Variants in SCAPER observed in about 807,000 individuals in gnomAD.
The protein encoded by SCAPER is S-phase cyclin A associated protein in the ER, also known as S phase cyclin A-associated protein in the endoplasmic reticulum.
Under a neutral mutation model 182.2 loss-of-function variants are expected in SCAPER, and 98 were observed. The observed-to-expected ratio is 0.54, with a 90% CI of 0.46 to 0.64. The LOEUF is 0.64. Among genes scored for constraint, SCAPER ranks in the 30% least tolerant of loss-of-function variants. SCAPER has a pLI of 0.00. For synonymous variants in SCAPER, 605 were observed against 564.6 expected (o/e 1.07, Z -1.01); for missense variants, 1,432 against 1,690.0 (o/e 0.85, Z 2.68).
At chr15:76,564,579 C>G (rs1018278122) in intron 23 of SCAPER, among the ~76,000 whole-genome samples, 2 of 152,074 alleles carry the variant, frequency 1.3e-5, no homozygotes, top group African/African-American at 4.8e-5. Context: ...GTTAAAATGG[C>G]CACACTGCCC....
chr15:76,734,498 T>C (rs1028437158), intron 15 of SCAPER, among the ~76,000 whole-genome samples: 5 of 152,154 alleles, frequency 3.3e-5, no homozygotes, highest in African/African-American at 1.2e-4. Context: ...GCTTTCCCAA[T>C]CTCCATGCCA....
intron 7 of SCAPER, among the ~76,000 whole-genome samples, chr15:76,796,128 G>A (rs903927073): frequency 1.3e-5 from 2 of 152,144 alleles, no homozygotes; most frequent in Non-Finnish European, 2.9e-5. Flanking sequence ...ACTACTAAAA[G>A]AGGCTTTTTC....
intron 26 of SCAPER, among the ~76,000 whole-genome samples, chr15:76,407,700 C>T (rs963885887): frequency 1.3e-5 from 2 of 152,104 alleles, no homozygotes; most frequent in Non-Finnish European, 1.5e-5. Context: ...CTATTTGATT[C>T]TTTCTCCACA....
intron 24 of SCAPER, among the ~76,000 whole-genome samples, chr15:76,481,062 A>T: frequency 6.6e-6 from 1 of 152,198 alleles, no homozygotes; most frequent in East Asian, 1.9e-4. Flanking sequence ...TGATTTGATC[A>T]TGAACATTTA....
At chr15:76,585,763 C>A (rs989176063) in intron 22 of SCAPER, among the ~76,000 whole-genome samples, 8 of 151,990 alleles carry the variant, frequency 5.3e-5, no homozygotes, top group Non-Finnish European at 8.8e-5. Flanking sequence ...CACAGAAGTA[C>A]AACAAATAAA....
intron 24 of SCAPER, among the ~76,000 whole-genome samples, chr15:76,494,373 T>C (rs1251247685): frequency 6.6e-6 from 1 of 152,200 alleles, no homozygotes; most frequent in South Asian, 2.1e-4. Context: ...GTTAGGTCAG[T>C]TCCTCTTTGG....
chr15:76,478,215 T>C (rs2050815142), intron 24 of SCAPER, among the ~76,000 whole-genome samples: 2 of 147,492 alleles, frequency 1.4e-5, no homozygotes, highest in Admixed American at 7.0e-5. Context: ...CATCTTTTTG[T>C]TAATTGTTCT....
At chr15:76,523,732 A>G (rs2042988828) in intron 23 of SCAPER, among the ~76,000 whole-genome samples, 1 of 151,964 alleles carries the variant, frequency 6.6e-6, no homozygotes. Flanking sequence ...CTTTTTTTTG[A>G]AGAAAATACA....
In SCAPER at chr15:76,785,813, G is replaced by C. The variant is rs576164503; in HGVS notation, c.772+9467C>G. The stretch of plus-strand genomic sequence containing the variant: ...ACACTGCATGTTCTCACTCATAGGT[G>C]GGAACTGAACAACGCGAACACCTGG... On this transcript the variant is annotated intron_variant, in intron 8 of 31. Coordinates refer to ENST00000563290, the MANE Select transcript of SCAPER (RefSeq NM_020843.4). Among the ~76,000 whole-genome samples, 5 of 152,234 alleles carry C rather than the reference G, an allele frequency of 3.3e-5. No homozygotes were observed. The East Asian group carries it at 9.7e-4, about 29-fold the overall frequency.
At chr15:76,832,314 C>T (rs1324822550) in intron 5 of SCAPER, among the ~76,000 whole-genome samples, 2 of 152,174 alleles carry the variant, frequency 1.3e-5, no homozygotes, top group Non-Finnish European at 2.9e-5. Flanking sequence ...ATGAAAAATT[C>T]ACTACAGGAA....
At chr15:76,732,449 T>C (rs930193473) in intron 16 of SCAPER, among the ~76,000 whole-genome samples, 3 of 152,020 alleles carry the variant, frequency 2.0e-5, no homozygotes, top group Admixed American at 1.3e-4. Context: ...TGAGGGGACA[T>C]AGTGAGAAGT....
chr15:76,515,192 G>A (rs2042326121), intron 23 of SCAPER, among the ~76,000 whole-genome samples: 1 of 152,228 alleles, frequency 6.6e-6, no homozygotes, highest in South Asian at 2.1e-4. Context: ...CTAATTGGAA[G>A]TTGGACTCTT....
intron 24 of SCAPER, among the ~76,000 whole-genome samples, chr15:76,486,095 T>A (rs1198579142): frequency 7.9e-5 from 12 of 152,016 alleles, no homozygotes; most frequent in Admixed American, 7.9e-4. Context: ...TAGTTCCAGC[T>A]ACTTGTGAGG....
intron 22 of SCAPER, among the ~76,000 whole-genome samples, chr15:76,576,093 G>A (rs1295839875): frequency 1.3e-5 from 2 of 152,192 alleles, no homozygotes; most frequent in Non-Finnish European, 2.9e-5. Context: ...CAAGGATGGT[G>A]GTTCATGCTT....
intron 1 of SCAPER, among the ~76,000 whole-genome samples, chr15:76,889,198 A>C (rs1171690563): frequency 6.6e-6 from 1 of 152,232 alleles, no homozygotes; most frequent in Non-Finnish European, 1.5e-5. Context: ...GGAAAAGAAC[A>C]ACCGGTACCA....
intron 22 of SCAPER, among the ~76,000 whole-genome samples, chr15:76,583,754 C>T (rs570969019): frequency 1.3e-5 from 2 of 152,168 alleles, no homozygotes; most frequent in East Asian, 3.9e-4. Flanking sequence ...GGCTTTTACC[C>T]AAAAGGCAAT....
At chr15:76,789,703 T>G (rs1194690237) in intron 8 of SCAPER, among the ~76,000 whole-genome samples, 1 of 152,188 alleles carries the variant, frequency 6.6e-6, no homozygotes, top group Admixed American at 6.5e-5. Flanking sequence ...GTCAGAGAAC[T>G]TCTAAATAAT....
chr15:76,397,027 TA>T (rs1418710029), intron 27 of SCAPER, among the ~76,000 whole-genome samples: 2 of 143,006 alleles, frequency 1.4e-5, no homozygotes, highest in African/African-American at 2.8e-5. Context: ...TTTTTTTTTT[TA>T]AATCATGAAG....
chr15:76,700,804 G>T (rs999360157), intron 20 of SCAPER, among the ~76,000 whole-genome samples: 1 of 152,126 alleles, frequency 6.6e-6, no homozygotes, highest in Non-Finnish European at 1.5e-5. Context: ...AAACAATAGG[G>T]ATCACTTTCA....
Sources: gnomAD v4.1 joint callset for allele counts (sites outside exome capture counted in the v4.1 genomes callset) on GRCh38, gnomAD v4.1.1 for gene constraint, MANE v1.5 for transcripts, NCBI Gene and HGNC (gene_info 2026-07-23, HGNC 2026-07-21) for gene names.